PMPCA: variants seen among roughly 807,000 people sequenced by gnomAD.
The protein encoded by PMPCA is peptidase, mitochondrial processing subunit alpha.
A neutral mutation model predicts 59.3 loss-of-function variants in PMPCA; 47 were observed. The observed-to-expected ratio is 0.79, with a 90% CI of 0.63 to 1.01. The LOEUF (loss-of-function observed/expected upper bound fraction) is 1.01, where lower values mean the gene tolerates loss of function less well. Among genes scored for constraint, PMPCA ranks in the 50% least tolerant of loss-of-function variants. PMPCA has a pLI of 0.00. For missense variants in PMPCA, 726 were observed against 704.5 expected, an observed-to-expected ratio of 1.03 and a Z score of -0.34; for synonymous variants, 338 against 290.3, an observed-to-expected ratio of 1.16 and a Z score of -1.67.
rs951837103 is a variant in PMPCA, at chr9:136,422,191, G to T, written c.1408+215G>T. 4.7e-6 allele frequency: 7 copies of T among 1,505,094 alleles called. No individual in the cohort carries two copies. In the African/African-American group the frequency reaches 6.9e-5, roughly 15 times the overall value. 93.2% of individuals were successfully genotyped at this position (1,505,094 alleles called of 1,614,324 possible). A position where few individuals can be genotyped will look rare whatever the true frequency, so the allele number is the denominator to read the frequency against. Reference sequence around the variant, plus strand: ...TTCCCGGCCCCACCATGCACCTGCTGCCTCCTTGGCAGGTGACCCCACCCT... The same window carrying T: ...TTCCCGGCCCCACCATGCACCTGCTTCCTCCTTGGCAGGTGACCCCACCCT... On this transcript the variant is annotated intron_variant, in intron 12 of 12. Transcript: ENST00000371717.
chr9:136,416,522 T>A (rs1228263100), intron 6 of PMPCA, 131 bp downstream of exon 6: 1 of 729,102 alleles, frequency 1.4e-6, no homozygotes, highest in Non-Finnish European at 2.4e-6. Flanking sequence ...TTTTTTTGTT[T>A]TTTGAGATGA....
chr9:136,410,966 C>T (rs375186250), intron 1 of PMPCA, among the ~76,000 whole-genome samples: 3 of 152,234 alleles, frequency 2.0e-5, no homozygotes, highest in East Asian at 1.9e-4. Context: ...TCCTCTCCCC[C>T]CCTCACTTCC....
chr9:136,418,084 T>A lies in PMPCA; in HGVS notation c.965T>A (p.Val322Asp). 1 of 1,613,474 alleles carries A rather than the reference T, an allele frequency of 6.2e-7. No individual in the cohort carries two copies. The highest frequency in any genetic ancestry group is 8.5e-7 in the Non-Finnish European group (1 of 1,179,354). Residue 322 changes from valine (V) to aspartate (D), a missense_variant, in exon 8 of 13, where the codon GTT (valine) becomes GAT (aspartate). Transcript: ENST00000371717. ...TPIPELTHIMVGLESCSFLEE... is the reference protein window; with the variant it reads ...TPIPELTHIMDGLESCSFLEE... ...ATCCCCGAGCTCACGCACATCATGG[T>A]TGGACTGGAGAGCTGCTCCTTCCTG...
rs1206583611 is a variant in PMPCA, at chr9:136,417,910, G to C, written c.898-107G>C. 12 of 831,484 alleles carry C rather than the reference G, an allele frequency of 1.4e-5. No individual in the cohort carries two copies. The East Asian group carries it at 2.7e-4, about 19-fold the overall frequency. The allele number at this position is 831,484 out of a possible 1,614,324, so 51.5% of individuals were successfully genotyped here. ...TTTTAGGCATGAGCCACTGTGCCTG[G>C]CTGGCATTGGATTTCTGTGTAACCA... On this transcript the variant is annotated intron_variant, in intron 7 of 12. Transcript: ENST00000371717.
intron 12 of PMPCA, chr9:136,422,706 G>C (rs1835492643): frequency 1.9e-6 from 2 of 1,052,448 alleles, no homozygotes; most frequent in Admixed American, 9.7e-5. Context: ...CTGTCCTGGG[G>C]TTCCTGGGTG....
intron 1 of PMPCA, among the ~76,000 whole-genome samples, chr9:136,411,659 T>C (rs1835121217): frequency 6.6e-6 from 1 of 152,238 alleles, no homozygotes; most frequent in South Asian, 2.1e-4. Flanking sequence ...ATAAGGGATA[T>C]GGCTTTTATC....
At chr9:136,416,551 A>G in intron 6 of PMPCA, 160 bp downstream of exon 6, 4 of 683,736 alleles carry the variant, frequency 5.9e-6, no homozygotes, top group South Asian at 3.1e-5. Context: ...CACATTGCCT[A>G]CGCTGGTCTT....
chr9:136,418,707 C>T, intron 9 of PMPCA, 34 bp downstream of exon 9: 1 of 1,517,328 alleles, frequency 6.6e-7, no homozygotes, highest in Non-Finnish European at 9.2e-7. Flanking sequence ...CCTCAGGCCA[C>T]CAGGCCAGGC....
chr9:136,419,135 C>A, intron 11 of PMPCA, 29 bp downstream of exon 11: 1 of 1,594,342 alleles, frequency 6.3e-7, no homozygotes, highest in Non-Finnish European at 8.6e-7. Context: ...CATTTCCAGG[C>A]GTACCTGTGG....
chr9:136,417,180 G>A lies in PMPCA; in HGVS notation c.863G>A (p.Arg288Lys), dbSNP rs748375932. 3.1e-6 allele frequency: 5 copies of A among 1,603,744 alleles called. No individual in the cohort carries two copies. In the South Asian group the frequency reaches 5.5e-5, roughly 18 times the overall value. The change falls in exon 7 of 13, where the codon AGA becomes AAA. Residue 288 changes from arginine to lysine, a missense_variant. By Grantham distance (26) the Arg-to-Lys change is conservative (BLOSUM62 2). Coordinates refer to ENST00000371717, the MANE Select transcript of PMPCA (RefSeq NM_015160.3). ...WGSAEAVDID[R>K]SVAQYTGGIA... is the part of the protein sequence containing the mutation. ...AGCGCAGAGGCCGTGGATATTGACAGATCTGTGGCCCAGTACACTGGGGGG... is the reference window on the plus strand; with the variant it reads ...AGCGCAGAGGCCGTGGATATTGACAAATCTGTGGCCCAGTACACTGGGGGG...
intron 6 of PMPCA, chr9:136,416,621 A>T (rs1226794743): frequency 3.2e-6 from 2 of 620,560 alleles, no homozygotes; most frequent in Non-Finnish European, 5.8e-6. Flanking sequence ...AGCTGGGATT[A>T]CAGGCGTGAG....
chr9:136,419,210 G>A, intron 11 of PMPCA, 104 bp downstream of exon 11: 2 of 1,098,506 alleles, frequency 1.8e-6, no homozygotes, highest in Non-Finnish European at 2.8e-6. Context: ...TGAGCCTCAG[G>A]GCCAAGGTCC....
In PMPCA at chr9:136,418,926, C is replaced by T. The variant is rs370626417; in HGVS notation, c.1200+8C>T. On this transcript the variant is annotated splice_region_variant and intron_variant, in intron 10 of 12. Coordinates refer to ENST00000371717, the MANE Select transcript of PMPCA (RefSeq NM_015160.3). ...AGCGCCGACCCAAGACAGGTGAGGG[C>T]CCCGCCTGCCACCGTCCTCAGTGCG... 2.5e-6 allele frequency: 4 copies of T among 1,612,340 alleles called. No individual in the cohort carries two copies. In the African/African-American group the frequency reaches 5.3e-5, roughly 21 times the overall value.
intron 1 of PMPCA, among the ~76,000 whole-genome samples, chr9:136,411,685 G>T (rs1835122288): frequency 6.6e-6 from 1 of 152,230 alleles, no homozygotes; most frequent in Non-Finnish European, 1.5e-5. Flanking sequence ...CTTCGGTGGT[G>T]CTGTTGGAGG....
intron 5 of PMPCA, among the ~76,000 whole-genome samples, 156 bp downstream of exon 5, chr9:136,414,803 G>A (rs79265255): frequency 0.021 from 3,208 of 152,314 alleles, 52 homozygotes; most frequent in Non-Finnish European, 0.035. Context: ...AATAGCGCTG[G>A]GGCTGGGCAT....
At chr9:136,411,329 A>G (rs1376500076) in intron 1 of PMPCA, 2 of 153,708 alleles carry the variant, frequency 1.3e-5, no homozygotes, top group East Asian at 1.9e-4. Flanking sequence ...CGTAAACAAA[A>G]TATCGGCAGT....
chr9:136,422,563 C>G, intron 12 of PMPCA: 4 of 1,014,948 alleles, frequency 3.9e-6, no homozygotes, highest in Non-Finnish European at 4.7e-6. Context: ...CCTGGAGTCC[C>G]GGGCACTTGC....
rs776679891 is a variant in PMPCA, at chr9:136,410,705, C to T, written c.37C>T (p.Arg13Trp). Residue 13 changes from arginine to tryptophan, a missense_variant, in exon 1 of 13, where the codon CGG (arginine) becomes TGG (tryptophan). By Grantham distance (101) the Arg-to-Trp change is moderately radical. Transcript: ENST00000371717. The part of the protein sequence containing the change: ...AVVLAATRLL[R>W]GSGSWGCSRL... ...GGTGCTGGCGGCGACGCGGTTGCTG[C>T]GGGGCTCGGGTTCTTGGGGCTGTTC... 10 of 1,417,178 alleles carry T rather than the reference C, an allele frequency of 7.1e-6. No individual in the cohort carries two copies. Among genetic ancestry groups the T allele is most frequent in the Non-Finnish European group, 5.5e-6 (6 of 1,087,988 alleles). The allele number at this position is 1,417,178 out of a possible 1,614,324, so 87.8% of individuals were successfully genotyped here. A position where few individuals can be genotyped will look rare whatever the true frequency, so the allele number is the denominator to read the frequency against.
intron 5 of PMPCA, chr9:136,415,987 C>T (rs553235457): frequency 3.7e-5 from 17 of 464,414 alleles, no homozygotes; most frequent in East Asian, 2.6e-4. Flanking sequence ...CACAGCAGCA[C>T]TTGGGACAGA....
Sources: gnomAD v4.1 joint callset for allele counts (sites outside exome capture counted in the v4.1 genomes callset) on GRCh38, gnomAD v4.1.1 for gene constraint, MANE v1.5 for transcripts, NCBI Gene and HGNC (gene_info 2026-07-23, HGNC 2026-07-21) for gene names.